Variants in PYM1 observed in about 807,000 individuals in gnomAD.
The protein encoded by PYM1 is PYM1 exon junction complex associated factor.
Under a neutral mutation model 20.7 loss-of-function variants are expected in PYM1, and 7 were observed. The ratio of observed to expected loss-of-function variants is 0.34; its 90% CI spans 0.19 to 0.64. PYM1 has a LOEUF of 0.64. Ranked by LOEUF, PYM1 falls within the 30% of genes least tolerant of loss-of-function variation. The pLI is 0.74. For synonymous variants in PYM1, 100 were observed against 99.2 expected (o/e 1.01, Z -0.05); for missense variants, 194 against 250.0 (o/e 0.78, Z 1.51).
intron 1 of PYM1, among the ~76,000 whole-genome samples, chr12:55,917,430 A>C (rs962653096): frequency 2.0e-5 from 3 of 152,032 alleles, no homozygotes; most frequent in African/African-American, 4.8e-5. Context: ...CAAAACAAAA[A>C]AAAATTAATT....
chr12:55,912,080 G>A (rs1177575850), intron 1 of PYM1, among the ~76,000 whole-genome samples: 1 of 151,978 alleles, frequency 6.6e-6, no homozygotes, highest in Admixed American at 6.6e-5. Flanking sequence ...AGGGTATAGT[G>A]GCTCATGCCT....
intron 1 of PYM1, among the ~76,000 whole-genome samples, chr12:55,912,781 A>G (rs1456518037): frequency 6.6e-6 from 1 of 151,870 alleles, no homozygotes; most frequent in African/African-American, 2.4e-5. Flanking sequence ...CCTGGCCAAC[A>G]TGGAGAAACC....
intron 1 of PYM1, 83 bp downstream of exon 1, chr12:55,927,642 C>T: frequency 1.3e-6 from 2 of 1,505,140 alleles, no homozygotes; most frequent in Non-Finnish European, 1.8e-6. Context: ...AATTCGTGTG[C>T]CGATTGCTGT....
At chr12:55,903,881 A>G (rs1032701777) in intron 1 of PYM1, among the ~76,000 whole-genome samples, 4 of 152,184 alleles carry the variant, frequency 2.6e-5, no homozygotes, top group African/African-American at 9.6e-5. Context: ...ATGGAACTTA[A>G]AAAAATAGGT....
intron 1 of PYM1, chr12:55,927,197 A>G: frequency 6.5e-7 from 1 of 1,535,380 alleles, no homozygotes; most frequent in Non-Finnish European, 8.8e-7. Flanking sequence ...GTAGCAAGCC[A>G]CCATCTTAGT....
In PYM1 at chr12:55,927,765, C is replaced by T; in HGVS notation, c.-4G>A. 1.3e-6 allele frequency: 2 copies of T among 1,538,974 alleles called. No homozygotes were observed. Among genetic ancestry groups the T allele is most frequent in the South Asian group, 1.2e-5 (1 of 83,934 alleles). ...CAGGGCTGCCGGCAGCTTCCATGGC[C>T]GAAGAGGCAGCGGACCAGGTTGGGC... is the stretch of plus-strand genomic sequence containing the variant. On this transcript the variant is annotated 5_prime_UTR_variant, in exon 1 of 3. Coordinates refer to ENST00000408946, the MANE Select transcript of PYM1 (RefSeq NM_032345.3).
At chr12:55,918,924 T>G (rs959794130) in intron 1 of PYM1, among the ~76,000 whole-genome samples, 1 of 152,200 alleles carries the variant, frequency 6.6e-6, no homozygotes, top group Non-Finnish European at 1.5e-5. Flanking sequence ...CCCAAAGCTT[T>G]TGTTATGTAA....
At chr12:55,920,122 G>A (rs974277572) in intron 1 of PYM1, among the ~76,000 whole-genome samples, 4 of 151,724 alleles carry the variant, frequency 2.6e-5, no homozygotes, top group Non-Finnish European at 5.9e-5. Flanking sequence ...AGAATTGCTT[G>A]ACCCCAACAG....
intron 1 of PYM1, among the ~76,000 whole-genome samples, chr12:55,907,610 G>A (rs936795421): frequency 6.9e-6 from 1 of 145,446 alleles, no homozygotes; most frequent in Admixed American, 7.1e-5. Flanking sequence ...CTCCAGCCTG[G>A]TGACAGAGCG....
chr12:55,907,064 CAT>C (rs548254342), intron 1 of PYM1, among the ~76,000 whole-genome samples: 32 of 142,754 alleles, frequency 2.2e-4, no homozygotes, highest in Admixed American at 4.4e-4. Context: ...ACATATCAAA[CAT>C]ATATATATAT....
chr12:55,903,321 T>A, intron 2 of PYM1, 66 bp downstream of exon 2: 44 of 1,390,594 alleles, frequency 3.2e-5, no homozygotes, highest in Non-Finnish European at 4.4e-5. Flanking sequence ...CTTGTAGGCA[T>A]AAGGATATTC....
intron 1 of PYM1, among the ~76,000 whole-genome samples, chr12:55,924,808 C>G (rs1173019403): frequency 1.3e-5 from 2 of 152,190 alleles, no homozygotes; most frequent in Non-Finnish European, 2.9e-5. Flanking sequence ...TCCCGAGTAG[C>G]TGAGATGACA....
chr12:55,910,640 C>T (rs1285002694), intron 1 of PYM1, among the ~76,000 whole-genome samples: 1 of 152,100 alleles, frequency 6.6e-6, no homozygotes, highest in Admixed American at 6.6e-5. Flanking sequence ...GACAGGGTTT[C>T]GCCATGTTGG....
chr12:55,924,948 G>A (rs1883163611), intron 1 of PYM1, among the ~76,000 whole-genome samples: 1 of 152,218 alleles, frequency 6.6e-6, no homozygotes, highest in Non-Finnish European at 1.5e-5. Context: ...GCCTCCCAAA[G>A]TGCTGGGATT....
Position 55,901,748 on chromosome 12 carries a change from C to CG in PYM1, c.*123_*124insC. ...CTAGGCTCTGGAGGACAGAGCTGGG[C>CG]CGCAGGAGGTGGAAGTAAGCCAGTA... On this transcript the variant is annotated 3_prime_UTR_variant, in exon 3 of 3. Coordinates refer to ENST00000408946, the MANE Select transcript of PYM1 (RefSeq NM_032345.3). 7.6e-7 allele frequency: 1 copy of CG among 1,307,268 alleles called. No homozygotes were observed. Among genetic ancestry groups the CG allele is most frequent in the Non-Finnish European group, 1.0e-6 (1 of 985,398 alleles). The allele number at this position is 1,307,268 out of a possible 1,614,324, so 81.0% of individuals were successfully genotyped here. A position where few individuals can be genotyped will look rare whatever the true frequency, so the allele number is the denominator to read the frequency against.
At chr12:55,911,408 G>C (rs1681080) in intron 1 of PYM1, among the ~76,000 whole-genome samples, 9 of 151,936 alleles carry the variant, frequency 5.9e-5, no homozygotes, top group Non-Finnish European at 1.0e-4. Flanking sequence ...GACTGAGCCC[G>C]GCCTGTTAAT....
chr12:55,901,847 G>C lies in PYM1; in HGVS notation c.*25C>G, dbSNP rs780805617. ...AGAGAGCCCCACGGTTTGTTCTGCA[G>C]TCCATTCCCTATTCCCCAAAGGCCT... On this transcript the variant is annotated 3_prime_UTR_variant, in exon 3 of 3. Coordinates refer to ENST00000408946, the MANE Select transcript of PYM1 (RefSeq NM_032345.3). 2 of 1,581,094 alleles carry C rather than the reference G, an allele frequency of 1.3e-6. No homozygotes were observed. The highest frequency in any genetic ancestry group is 1.7e-6 in the Non-Finnish European group (2 of 1,165,650).
chr12:55,916,086 G>C (rs988056742), intron 1 of PYM1, among the ~76,000 whole-genome samples: 1 of 152,240 alleles, frequency 6.6e-6, no homozygotes, highest in Non-Finnish European at 1.5e-5. Flanking sequence ...TGTAATCCCA[G>C]CACTTTGGGA....
At chr12:55,922,495 T>C (rs1883115024) in intron 1 of PYM1, among the ~76,000 whole-genome samples, 1 of 147,160 alleles carries the variant, frequency 6.8e-6, no homozygotes, top group Non-Finnish European at 1.5e-5. Context: ...CACACGCCTG[T>C]GGTCCTAGAT....
Sources: allele counts gnomAD v4.1 joint callset (sites outside exome capture counted in the v4.1 genomes callset), GRCh38; gene constraint gnomAD v4.1.1; transcripts MANE v1.5; gene names NCBI Gene and HGNC (gene_info 2026-07-23, HGNC 2026-07-21).